GRM1: variants seen among roughly 807,000 people sequenced by gnomAD.
GRM1 encodes the protein glutamate metabotropic receptor 1.
In GRM1, 33 loss-of-function variants were observed where a neutral mutation model predicts 90.9. That is an observed-to-expected ratio of 0.36 (90% confidence interval 0.28 to 0.49). GRM1 has a LOEUF of 0.49. Among genes scored for constraint, GRM1 ranks in the 20% least tolerant of loss-of-function variants. The probability of loss-of-function intolerance (pLI) is 0.99; values close to 1 mark genes in which losing one functional copy is unlikely to be tolerated. For synonymous variants in GRM1, 700 were observed against 613.2 expected (o/e 1.14, Z -2.09); for missense variants, 1,190 against 1,534.3 (o/e 0.78, Z 3.75).
intron 1 of GRM1, among the ~76,000 whole-genome samples, chr6:146,047,112 G>GT (rs1791360428): frequency 4.6e-5 from 7 of 152,006 alleles, no homozygotes; most frequent in Admixed American, 4.6e-4. Context: ...CAGGAGAGTT[G>GT]TGGAGCTGGT....
intron 3 of GRM1, among the ~76,000 whole-genome samples, chr6:146,347,280 T>C (rs148842157): frequency 0.016 from 2,475 of 152,312 alleles, 32 homozygotes; most frequent in Non-Finnish European, 0.026. Flanking sequence ...TGCACAGTGC[T>C]GCCTAATAGG....
chr6:146,313,096 T>C (rs566348217), intron 3 of GRM1, among the ~76,000 whole-genome samples: 1 of 152,338 alleles, frequency 6.6e-6, no homozygotes, highest in African/African-American at 2.4e-5. Context: ...TAGTAGCAGA[T>C]ACAGACTTGA....
intron 7 of GRM1, among the ~76,000 whole-genome samples, chr6:146,414,989 T>C (rs1777722569): frequency 6.6e-6 from 1 of 152,236 alleles, no homozygotes; most frequent in African/African-American, 2.4e-5. Flanking sequence ...GCATTATTAC[T>C]GTATTGCATT....
At chr6:146,169,245 T>G (rs1778015890) in intron 2 of GRM1, among the ~76,000 whole-genome samples, 1 of 152,200 alleles carries the variant, frequency 6.6e-6, no homozygotes, top group Non-Finnish European at 1.5e-5. Flanking sequence ...TCAGATATTG[T>G]ATTTTTCATC....
At chr6:146,205,171 T>A (rs1779451644) in intron 2 of GRM1, among the ~76,000 whole-genome samples, 2 of 152,158 alleles carry the variant, frequency 1.3e-5, no homozygotes, top group South Asian at 2.1e-4. Flanking sequence ...GTAAAAAATA[T>A]CTATAATACT....
chr6:146,357,983 A>T (rs1785654395), intron 5 of GRM1, among the ~76,000 whole-genome samples: 1 of 152,230 alleles, frequency 6.6e-6, no homozygotes, highest in South Asian at 2.1e-4. Context: ...TTAAAAATCA[A>T]AAACAGAAGT....
chr6:146,062,784 C>G (rs566734294), intron 1 of GRM1, among the ~76,000 whole-genome samples: 1 of 152,140 alleles, frequency 6.6e-6, no homozygotes, highest in South Asian at 2.1e-4. Context: ...TTTCATTTGT[C>G]TACAATCTGC....
chr6:146,289,212 G>A (rs780610966), intron 2 of GRM1, among the ~76,000 whole-genome samples: 1 of 152,156 alleles, frequency 6.6e-6, no homozygotes, highest in African/African-American at 2.4e-5. Context: ...CTCCATGTGT[G>A]TTAATGCCTC....
chr6:146,078,859 A>T (rs2128862140), intron 1 of GRM1, among the ~76,000 whole-genome samples: 1 of 152,162 alleles, frequency 6.6e-6, no homozygotes, highest in African/African-American at 2.4e-5. Context: ...CATCCCCACC[A>T]TCCCCACTGT....
chr6:146,116,317 C>T (rs1425275937), intron 1 of GRM1, among the ~76,000 whole-genome samples: 1 of 152,100 alleles, frequency 6.6e-6, no homozygotes, highest in Non-Finnish European at 1.5e-5. Flanking sequence ...AAGTTTAAAA[C>T]TAAGGAATTA....
chr6:146,173,303 T>A (rs1478260945), intron 2 of GRM1, among the ~76,000 whole-genome samples: 7 of 148,988 alleles, frequency 4.7e-5, no homozygotes, highest in African/African-American at 1.7e-4. Context: ...GGCAGGAGAA[T>A]CACTTGAACC....
chr6:146,349,019 G>T (rs1482387578), intron 3 of GRM1, among the ~76,000 whole-genome samples: 1 of 150,276 alleles, frequency 6.7e-6, no homozygotes, highest in Admixed American at 6.7e-5. Flanking sequence ...ATTAAGTATT[G>T]TATATAACAA....
chr6:146,312,349 CAAAAAAAAAAAAA>C (rs1166008558), intron 3 of GRM1, among the ~76,000 whole-genome samples: 4 of 21,338 alleles, frequency 1.9e-4, no homozygotes, highest in South Asian at 3.6e-3. Flanking sequence ...AACTCCGTCT[CAAAAAAAAAAAAA>C]AAAAAAAAAA....
chr6:146,171,125 A>G (rs879385767), intron 2 of GRM1, among the ~76,000 whole-genome samples: 1 of 152,186 alleles, frequency 6.6e-6, no homozygotes, highest in Non-Finnish European at 1.5e-5. Context: ...TACAGCAAAG[A>G]TATTCAAATA....
At chr6:146,375,051 A>T (rs539065249) in intron 5 of GRM1, among the ~76,000 whole-genome samples, 1 of 152,036 alleles carries the variant, frequency 6.6e-6, no homozygotes, top group African/African-American at 2.4e-5. Flanking sequence ...CACACTATCC[A>T]TAGGTTTGGT....
chr6:146,312,599 A>G (rs1783816133), intron 3 of GRM1, among the ~76,000 whole-genome samples: 1 of 152,174 alleles, frequency 6.6e-6, no homozygotes, highest in South Asian at 2.1e-4. Flanking sequence ...ATTAGTGACT[A>G]CCATATTGGA....
At chr6:146,292,276 A>G (rs9497523) in intron 2 of GRM1, among the ~76,000 whole-genome samples, 17,480 of 152,012 alleles carry the variant, frequency 0.11, 2,000 homozygotes, top group African/African-American at 0.3. Context: ...TACCAATGAA[A>G]GAAAAAATAG....
chr6:146,118,242 C>T (rs1317722614), intron 1 of GRM1, among the ~76,000 whole-genome samples: 17 of 150,182 alleles, frequency 1.1e-4, no homozygotes, highest in African/African-American at 4.2e-4. Flanking sequence ...TGGGTTCACG[C>T]CATTCTCCTG....
intron 3 of GRM1, among the ~76,000 whole-genome samples, chr6:146,329,857 A>G (rs572538743): frequency 2.0e-4 from 31 of 152,338 alleles, no homozygotes; most frequent in Non-Finnish European, 2.9e-4. Flanking sequence ...CATGTAATTT[A>G]TTGAATACTG....
Sources: gnomAD v4.1 joint callset for allele counts (sites outside exome capture counted in the v4.1 genomes callset) on GRCh38, gnomAD v4.1.1 for gene constraint, MANE v1.5 for transcripts, NCBI Gene and HGNC (gene_info 2026-07-23, HGNC 2026-07-21) for gene names.